The following KCNH1 variants were observed in gnomAD, a reference collection of about 807,000 sequenced individuals.
KCNH1 encodes potassium voltage-gated channel subfamily H member 1, also known as voltage-gated delayed rectifier potassium channel KCNH1.
KCNH1 carries 27 observed loss-of-function variants against 69.2 expected under a neutral mutation model. That is an observed-to-expected ratio of 0.39 (90% CI 0.29 to 0.54). The LOEUF (loss-of-function observed/expected upper bound fraction) is 0.54. KCNH1 is among the 20% of genes least tolerant of loss of function. The pLI is 0.68. For missense variants in KCNH1, 798 were observed against 1,261.6 expected (o/e 0.63, Z 5.57); for synonymous variants, 456 against 487.7 (o/e 0.93, Z 0.86).
At position 210,875,398 on chromosome 1, in the gene KCNH1, G is replaced by A. The variant is rs146325588; in HGVS notation, c.1462+44242C>T. On this transcript the variant is annotated intron_variant, in intron 7 of 10. Coordinates refer to ENST00000271751, the MANE Select transcript of KCNH1 (RefSeq NM_172362.3). The stretch of plus-strand genomic sequence containing the variant: ...AAATGAGTTAAAATTCTAAGTGTAG[G>A]TTATATATTTGTCTATATAGGAAAT... Among the ~76,000 whole-genome samples, 96 of 152,266 alleles carry A rather than the reference G, an allele frequency of 6.3e-4. No individual in the cohort carries two copies. In the East Asian group the frequency reaches 0.015, roughly 23 times the overall value.
At chr1:210,836,078 C>G (rs1685273537) in intron 7 of KCNH1, among the ~76,000 whole-genome samples, 1 of 138,036 alleles carries the variant, frequency 7.2e-6, no homozygotes, top group Non-Finnish European at 1.5e-5. Context: ...CACCACTGCA[C>G]TCCAGCCTAA....
Position 210,684,052 on chromosome 1 carries a change from CG to C in KCNH1, c.2198del (p.Pro733ArgfsTer32). 1.3e-6 allele frequency: 2 copies of C among 1,546,018 alleles called. No individual in the cohort carries two copies. The highest frequency in any genetic ancestry group is 1.7e-6 in the Non-Finnish European group (2 of 1,144,828). Reference sequence around the variant, plus strand: ...GGAAGAGGCGCCGGACAGGGTGGTCCGGGGGCAAGATCAGGGGGGCCTCATT... The same window carrying C: ...GGAAGAGGCGCCGGACAGGGTGGTCCGGGGCAAGATCAGGGGGGCCTCATT... ...RKNEAPLILP[P>X]DHPVRRLFQR... On this transcript the variant is annotated frameshift_variant, in exon 11 of 11. Transcript: ENST00000271751. LOFTEE classifies it low-confidence loss of function (END_TRUNC).
At chr1:211,006,800 G>GA (rs1689294470) in intron 6 of KCNH1, among the ~76,000 whole-genome samples, 1 of 151,998 alleles carries the variant, frequency 6.6e-6, no homozygotes, top group Non-Finnish European at 1.5e-5. Context: ...TCCATACAAT[G>GA]AACTACTGTA....
At chr1:211,131,886 T>G (rs780222644) in intron 1 of KCNH1, among the ~76,000 whole-genome samples, 1 of 152,188 alleles carries the variant, frequency 6.6e-6, no homozygotes, top group Non-Finnish European at 1.5e-5. Context: ...CTGAAACTGG[T>G]GTTGAAATGA....
chr1:210,935,148 ACACACACACACACACAC>A (rs1687754668), intron 6 of KCNH1, among the ~76,000 whole-genome samples: 2 of 142,232 alleles, frequency 1.4e-5, no homozygotes, highest in Admixed American at 1.5e-4. Flanking sequence ...ACACACACAC[ACACACACACACACACAC>A]GAATAGTATT....
chr1:210,871,844 T>C (rs1686255688), intron 7 of KCNH1, among the ~76,000 whole-genome samples: 3 of 134,088 alleles, frequency 2.2e-5, no homozygotes, highest in Non-Finnish European at 4.6e-5. Context: ...TAGGTGGGAA[T>C]TGAACAATGA....
At chr1:210,859,296 C>T in intron 7 of KCNH1, 1 of 1,552,354 alleles carries the variant, frequency 6.4e-7, no homozygotes, top group Non-Finnish European at 8.9e-7. Flanking sequence ...CTTTGATTGG[C>T]CAGAGTTACT....
At chr1:210,767,012 G>T (rs1462914464) in intron 10 of KCNH1, among the ~76,000 whole-genome samples, 1 of 152,184 alleles carries the variant, frequency 6.6e-6, no homozygotes, top group African/African-American at 2.4e-5. Flanking sequence ...AAACCTCCAT[G>T]ACTTACTGTC....
At chr1:210,857,154 G>C (rs1257781766) in intron 7 of KCNH1, among the ~76,000 whole-genome samples, 1 of 151,768 alleles carries the variant, frequency 6.6e-6, no homozygotes, top group Admixed American at 6.6e-5. Flanking sequence ...GAGAAGCACT[G>C]GCTTAGAGCA....
rs538750752 is a variant in KCNH1 at position 210,907,741 on chromosome 1, G to A, written c.1462+11899C>T. Among the ~76,000 whole-genome samples the A allele has an allele frequency of 3.9e-5, 6 of 152,260 alleles. No homozygotes were observed. The East Asian group carries it at 1.2e-3, about 29-fold the overall frequency. On this transcript the variant is annotated intron_variant, in intron 7 of 10. Coordinates refer to ENST00000271751, the MANE Select transcript of KCNH1 (RefSeq NM_172362.3). ...GGAAAAAAAGATCCATCCCAGTGGG[G>A]GTGGGGGTTCACATAGCAATTGAGA...
At chr1:210,789,811 T>A (rs1188090003) in intron 9 of KCNH1, among the ~76,000 whole-genome samples, 1 of 152,260 alleles carries the variant, frequency 6.6e-6, no homozygotes, top group Non-Finnish European at 1.5e-5. Context: ...CATATTGCAT[T>A]TTAAAAATTG....
At chr1:210,834,127 C>T (rs1281835098) in intron 7 of KCNH1, among the ~76,000 whole-genome samples, 2 of 152,130 alleles carry the variant, frequency 1.3e-5, no homozygotes, top group East Asian at 1.9e-4. Flanking sequence ...GTCAGTGTGG[C>T]GATTCCTCAG....
At chr1:210,800,749 T>C (rs2102403548) in intron 8 of KCNH1, among the ~76,000 whole-genome samples, 1 of 152,270 alleles carries the variant, frequency 6.6e-6, no homozygotes, top group African/African-American at 2.4e-5. Context: ...TGCTAGGTTT[T>C]GAGAAGAGAC....
At chr1:210,846,988 A>C (rs1156566957) in intron 7 of KCNH1, among the ~76,000 whole-genome samples, 1 of 152,262 alleles carries the variant, frequency 6.6e-6, no homozygotes, top group Non-Finnish European at 1.5e-5. Flanking sequence ...AATGCTCACC[A>C]TCACTGGCCA....
At chr1:211,008,531 T>C (rs1290230672) in intron 6 of KCNH1, among the ~76,000 whole-genome samples, 1 of 152,254 alleles carries the variant, frequency 6.6e-6, no homozygotes, top group Non-Finnish European at 1.5e-5. Context: ...GGTTGAGGCT[T>C]ACAGCCATTG....
intron 7 of KCNH1, chr1:210,860,967 A>T: frequency 2.0e-6 from 2 of 988,076 alleles, no homozygotes; most frequent in Non-Finnish European, 3.3e-6. Flanking sequence ...TTTCAGCTAA[A>T]GAGCCAATCA....
At chr1:210,871,237 CA>C (rs1296000346) in intron 7 of KCNH1, among the ~76,000 whole-genome samples, 18 of 152,106 alleles carry the variant, frequency 1.2e-4, no homozygotes, top group African/African-American at 4.1e-4. Flanking sequence ...AAAAAGTGGG[CA>C]AAGGACATGA....
intron 5 of KCNH1, among the ~76,000 whole-genome samples, chr1:211,036,689 G>C (rs1371943211): frequency 6.6e-6 from 1 of 152,032 alleles, no homozygotes; most frequent in East Asian, 1.9e-4. Context: ...TAATAACCTG[G>C]TCTTGGTGAT....
intron 7 of KCNH1, among the ~76,000 whole-genome samples, chr1:210,846,253 A>C (rs1685544401): frequency 6.6e-6 from 1 of 152,196 alleles, no homozygotes; most frequent in Non-Finnish European, 1.5e-5. Flanking sequence ...TGGAACCAAA[A>C]AAGAGCCCGC....
Sources: gnomAD v4.1 joint callset for allele counts (sites outside exome capture counted in the v4.1 genomes callset) on GRCh38, gnomAD v4.1.1 for gene constraint, MANE v1.5 for transcripts, NCBI Gene and HGNC (gene_info 2026-07-23, HGNC 2026-07-21) for gene names.